ATP8A1: variants seen among roughly 807,000 people sequenced by gnomAD.
The protein encoded by ATP8A1 is phospholipid-transporting ATPase IA.
In ATP8A1, 90 loss-of-function variants were observed where a neutral mutation model predicts 177.7. The ratio of observed to expected loss-of-function variants is 0.51; its 90% CI spans 0.43 to 0.60. The LOEUF is 0.60. Among genes scored for constraint, ATP8A1 ranks in the 20% least tolerant of loss-of-function variants. ATP8A1 has a pLI of 0.00. For missense variants in ATP8A1, 1,072 were observed against 1,392.8 expected, an observed-to-expected ratio of 0.77 and a Z score of 3.67; for synonymous variants, 493 against 485.9, an observed-to-expected ratio of 1.01 and a Z score of -0.19.
At chr4:42,420,020 CAAA>C (rs34391125) in intron 35 of ATP8A1, among the ~76,000 whole-genome samples, 9 of 126,056 alleles carry the variant, frequency 7.1e-5, no homozygotes, top group Non-Finnish European at 1.0e-4. Flanking sequence ...AACAAACAAA[CAAA>C]AAAAAAAAAC....
In ATP8A1 at chr4:42,466,514, G is replaced by A. The variant is rs926894752; in HGVS notation, c.2325-1438C>T. 2.1e-4 allele frequency among the ~76,000 whole-genome samples: 32 copies of A among 152,170 alleles called. 1 individual carries two copies. The highest frequency in any genetic ancestry group is 2.1e-3 in the Admixed American group (32 of 15,288). On this transcript the variant is annotated intron_variant, in intron 25 of 36. Transcript: ENST00000381668. ...CAGCTCTGGTTTTTATTTCAAGTCT[G>A]AGAATCATTGCATTAGACTGTGAGC...
chr4:42,453,219 A>G (rs968592717), intron 29 of ATP8A1, among the ~76,000 whole-genome samples: 8 of 152,236 alleles, frequency 5.3e-5, no homozygotes, highest in African/African-American at 1.7e-4. Context: ...CATAACAAAC[A>G]TAAGCATCAT....
chr4:42,554,596 T>C lies in ATP8A1; in HGVS notation c.1413+1372A>G, dbSNP rs542455132. On this transcript the variant is annotated intron_variant, in intron 16 of 36. Coordinates refer to ENST00000381668, the MANE Select transcript of ATP8A1 (RefSeq NM_006095.2). ...GTCCACCTGTGCTAGAGAAGATGCATATTTGAGGGTAACAATCATGAGTTC... is the reference window on the plus strand; with the variant it reads ...GTCCACCTGTGCTAGAGAAGATGCACATTTGAGGGTAACAATCATGAGTTC... Among the ~76,000 whole-genome samples, 19 of 152,264 alleles carry C rather than the reference T, an allele frequency of 1.2e-4. No homozygotes were observed. The East Asian group carries it at 3.7e-3, about 29-fold the overall frequency.
intron 1 of ATP8A1, among the ~76,000 whole-genome samples, chr4:42,642,723 T>TA (rs1740133882): frequency 6.6e-6 from 1 of 152,192 alleles, no homozygotes; most frequent in Non-Finnish European, 1.5e-5. Context: ...CTCCATGCAG[T>TA]AAGTACCTCC....
At chr4:42,567,774 C>T (rs1406915325) in intron 15 of ATP8A1, among the ~76,000 whole-genome samples, 1 of 152,112 alleles carries the variant, frequency 6.6e-6, no homozygotes, top group African/African-American at 2.4e-5. Flanking sequence ...CTTTCCAGCA[C>T]CAATAAAAGT....
intron 19 of ATP8A1, among the ~76,000 whole-genome samples, chr4:42,548,146 C>T (rs564351410): frequency 6.6e-6 from 1 of 152,292 alleles, no homozygotes; most frequent in Admixed American, 6.5e-5. Context: ...AATCACTTTG[C>T]TTTCTGTCCT....
Position 42,549,164 on chromosome 4 carries a change from C to T in ATP8A1, c.1603-102G>A, listed in dbSNP as rs538460910. ...AATTTTACTGTAAAAAATGCCAACA[C>T]AAACAAATTTTCCCTGCTGAAATAT... On this transcript the variant is annotated intron_variant, in intron 18 of 36. Coordinates refer to ENST00000381668, the MANE Select transcript of ATP8A1 (RefSeq NM_006095.2). The T allele has an allele frequency of 1.3e-5, 12 of 907,706 alleles. No individual in the cohort carries two copies. The East Asian group carries it at 2.3e-4, about 17-fold the overall frequency. 56.2% of individuals were successfully genotyped at this position (907,706 alleles called of 1,614,324 possible). A position where few individuals can be genotyped will look rare whatever the true frequency, so the allele number is the denominator to read the frequency against.
At chr4:42,636,132 ACACACACACACACACACACACACACG>A (rs1245147167) in intron 1 of ATP8A1, among the ~76,000 whole-genome samples, 1 of 35,656 alleles carries the variant, frequency 2.8e-5, no homozygotes, top group African/African-American at 8.4e-5. Context: ...ACACACACAC[ACACACACACACACACACACACACACG>A]CACACACACA....
intron 22 of ATP8A1, among the ~76,000 whole-genome samples, chr4:42,509,348 G>C (rs1724757306): frequency 6.6e-6 from 1 of 152,188 alleles, no homozygotes; most frequent in Non-Finnish European, 1.5e-5. Context: ...GCTTTTCCAG[G>C]CTCCATAGTA....
chr4:42,580,476 A>T (rs1056124550), intron 10 of ATP8A1, among the ~76,000 whole-genome samples: 2 of 152,226 alleles, frequency 1.3e-5, no homozygotes, highest in African/African-American at 4.8e-5. Context: ...ACGCAGCAAC[A>T]ATTTAAGTAG....
chr4:42,438,181 G>A (rs1460943901), intron 33 of ATP8A1, among the ~76,000 whole-genome samples: 1 of 152,212 alleles, frequency 6.6e-6, no homozygotes, highest in East Asian at 1.9e-4. Flanking sequence ...GACAGAATCA[G>A]GCTGGGTTCA....
In ATP8A1 at chr4:42,648,293, T is replaced by C. The variant is rs554633623; in HGVS notation, c.49+8532A>G. Among the ~76,000 whole-genome samples, 4 of 152,006 alleles carry C rather than the reference T, an allele frequency of 2.6e-5. No homozygotes were observed. In the South Asian group the frequency reaches 6.2e-4, roughly 24 times the overall value. Reference sequence around the variant, plus strand: ...AAATGGGACAGCTAAGAGAATATTTTTTGTTATGTTGCAATAAAGGAATTT... The same window carrying C: ...AAATGGGACAGCTAAGAGAATATTTCTTGTTATGTTGCAATAAAGGAATTT... On this transcript the variant is annotated intron_variant, in intron 1 of 36. Coordinates refer to ENST00000381668, the MANE Select transcript of ATP8A1 (RefSeq NM_006095.2).
intron 19 of ATP8A1, among the ~76,000 whole-genome samples, chr4:42,547,060 T>C (rs1010651951): frequency 6.6e-6 from 1 of 152,222 alleles, no homozygotes; most frequent in Admixed American, 6.5e-5. Flanking sequence ...ATTTCAGCCA[T>C]AGATTTCTCT....
intron 31 of ATP8A1, among the ~76,000 whole-genome samples, chr4:42,444,897 C>T (rs1717045831): frequency 6.6e-6 from 1 of 152,216 alleles, no homozygotes; most frequent in Non-Finnish European, 1.5e-5. Flanking sequence ...ACCCTCCATC[C>T]ACGAGTTCCT....
intron 1 of ATP8A1, among the ~76,000 whole-genome samples, chr4:42,638,216 G>C (rs1249559890): frequency 6.6e-6 from 1 of 152,200 alleles, no homozygotes; most frequent in Non-Finnish European, 1.5e-5. Context: ...CCTGTCATTA[G>C]GAGACATGGT....
chr4:42,443,727 A>T, intron 32 of ATP8A1, 55 bp from the exon 33 acceptor site: 1 of 781,218 alleles, frequency 1.3e-6, no homozygotes, highest in Non-Finnish European at 2.3e-6. Flanking sequence ...GAGTACACAA[A>T]TACTAATGAA....
chr4:42,410,655 C>G lies in ATP8A1; in HGVS notation c.*2261G>C, dbSNP rs1712489349. 1 of 152,106 alleles carries G rather than the reference C, an allele frequency of 6.6e-6. No individual in the cohort carries two copies. Among genetic ancestry groups the G allele is most frequent in the African/African-American group, 2.4e-5 (1 of 41,406 alleles). The allele number at this position is 152,106 out of a possible 1,614,324, so 9.4% of individuals were successfully genotyped here. On this transcript the variant is annotated 3_prime_UTR_variant, in exon 37 of 37. Coordinates refer to ENST00000381668, the MANE Select transcript of ATP8A1 (RefSeq NM_006095.2). ...ATAATTCAAAAACAGGACGATGGGA[C>G]AAAGAGGCTCAAATTAGTCACATTT...
At chr4:42,420,631 T>C (rs1332986015) in intron 35 of ATP8A1, among the ~76,000 whole-genome samples, 3 of 152,234 alleles carry the variant, frequency 2.0e-5, no homozygotes, top group Non-Finnish European at 4.4e-5. Context: ...AAGTATCACG[T>C]GGAAGGGCTT....
chr4:42,503,570 TG>T, intron 23 of ATP8A1, 56 bp from the exon 24 acceptor site: 2 of 1,171,724 alleles, frequency 1.7e-6, no homozygotes, highest in South Asian at 2.8e-5. Context: ...TATGTAAAGA[TG>T]TTAAAACAAT....
Sources: gnomAD v4.1 joint callset for allele counts (sites outside exome capture counted in the v4.1 genomes callset) on GRCh38, gnomAD v4.1.1 for gene constraint, MANE v1.5 for transcripts, NCBI Gene and HGNC (gene_info 2026-07-23, HGNC 2026-07-21) for gene names.